The following SLC39A12 variants were observed in gnomAD, a reference collection of about 807,000 sequenced individuals.
The protein encoded by SLC39A12 is solute carrier family 39 member 12, also known as zinc transporter ZIP12.
Under a neutral mutation model 71.1 loss-of-function variants are expected in SLC39A12, and 63 were observed. The ratio of observed to expected loss-of-function variants is 0.89; its 90% confidence interval spans 0.72 to 1.09. The LOEUF (loss-of-function observed/expected upper bound fraction) is 1.09. SLC39A12 is among the 50% of genes least tolerant of loss of function. SLC39A12 has a pLI of 0.00. For synonymous variants in SLC39A12, 351 were observed against 301.3 expected (o/e 1.16, Z -1.71); for missense variants, 892 against 812.6 (o/e 1.10, Z -1.19).
intron 11 of SLC39A12, chr10:18,002,624 T>C (rs1835869355): frequency 6.6e-6 from 1 of 152,212 alleles, no homozygotes; most frequent in African/African-American, 2.4e-5. Context: ...GTCAATCTTC[T>C]CTTGGAGGGA....
intron 12 of SLC39A12, among the ~76,000 whole-genome samples, chr10:18,036,076 C>G (rs935035249): frequency 1.4e-4 from 21 of 152,350 alleles, no homozygotes; most frequent in East Asian, 1.9e-4. Context: ...ACATTTAAGT[C>G]TGCAGAGGTT....
chr10:17,966,431 C>G (rs1834826053), intron 4 of SLC39A12, among the ~76,000 whole-genome samples: 1 of 152,032 alleles, frequency 6.6e-6, no homozygotes, highest in South Asian at 2.1e-4. Flanking sequence ...CCACTCCAGC[C>G]TCCTGAGTAG....
chr10:17,987,421 T>C (rs868182979), intron 6 of SLC39A12, 58 bp from the exon 7 acceptor site: 15 of 1,557,148 alleles, frequency 9.6e-6, no homozygotes, highest in East Asian at 6.8e-5. Context: ...TTTCGCCAGC[T>C]GAGGCCGGAA....
In SLC39A12 at chr10:18,036,520, G is replaced by A. The variant is rs551935803; in HGVS notation, c.1948-6185G>A. On this transcript the variant is annotated intron_variant, in intron 12 of 12. Transcript: ENST00000377369. ...CCCTGCTTCGGCTCACGCACGGTGC[G>A]CGCACCCACTGGCCTGCGCCCACTG... Among the ~76,000 whole-genome samples, 396 of 151,726 alleles carry A rather than the reference G, an allele frequency of 2.6e-3. 2 individuals carry two copies. The highest frequency in any genetic ancestry group is 6.8e-3 in the Middle Eastern group (2 of 294).
Position 17,953,265 on chromosome 10 carries a change from G to A in SLC39A12, c.-12G>A. ...CCATCCAAGACAGACTCAAGGTGGA[G>A]GAAGCGTGGAAATGTGCTTCCGGAC... On this transcript the variant is annotated 5_prime_UTR_variant, in exon 2 of 13. Coordinates refer to ENST00000377369, the MANE Select transcript of SLC39A12 (RefSeq NM_001145195.2). The A allele has an allele frequency of 6.2e-7, 1 of 1,612,672 alleles. No homozygotes were observed. Among genetic ancestry groups the A allele is most frequent in the Non-Finnish European group, 8.5e-7 (1 of 1,179,106 alleles).
chr10:18,036,002 G>C (rs527317767), intron 12 of SLC39A12, among the ~76,000 whole-genome samples: 2,414 of 152,190 alleles, frequency 0.016, 64 homozygotes, highest in African/African-American at 0.053. Context: ...GCAGTCTGCC[G>C]GTTCTCAGAT....
At chr10:18,001,695 G>T (rs1021465315) in intron 11 of SLC39A12, 2 of 151,912 alleles carry the variant, frequency 1.3e-5, no homozygotes, top group Admixed American at 6.6e-5. Context: ...AATTTTTGTG[G>T]GTACATAGTG....
chr10:17,972,591 C>A lies in SLC39A12; in HGVS notation c.752-5311C>A, dbSNP rs144404041. On this transcript the variant is annotated intron_variant, in intron 4 of 12. Coordinates refer to ENST00000377369, the MANE Select transcript of SLC39A12 (RefSeq NM_001145195.2). The stretch of plus-strand genomic sequence containing the variant: ...GACACTTTTATCATTATATAGTGAC[C>A]TTTGTCCCTTCTTACAGTCTTTGTC... Among the ~76,000 whole-genome samples, 8 of 152,116 alleles carry A rather than the reference C, an allele frequency of 5.3e-5. No homozygotes were observed. In the East Asian group the frequency reaches 1.5e-3, roughly 29 times the overall value.
rs1835812548 is a variant in SLC39A12, at chr10:18,000,787, CG to C, written c.1722del (p.Ile575LeufsTer19). ...SSSSESGVTT[T>X]IAILCHEIPH... ...TCATCCGAGTCAGGAGTGACCACTA[CG>C]ATTGCTATCTTGTGTCATGAAATCC... On this transcript the variant is annotated frameshift_variant, in exon 11 of 13. Coordinates refer to ENST00000377369, the MANE Select transcript of SLC39A12 (RefSeq NM_001145195.2). LOFTEE classifies it high-confidence loss of function. 6.2e-7 allele frequency: 1 copy of C among 1,613,950 alleles called. No homozygotes were observed. The highest frequency in any genetic ancestry group is 1.3e-5 in the African/African-American group (1 of 74,910).
intron 12 of SLC39A12, chr10:18,005,850 A>AG (rs1836000250): frequency 7.6e-6 from 1 of 130,772 alleles, no homozygotes; most frequent in Non-Finnish European, 1.8e-5. Context: ...GCAGAAAGAC[A>AG]GGAAAAAAAA....
In SLC39A12 at chr10:17,981,489, T is replaced by A. The variant is rs760195895; in HGVS notation, c.1096+6T>A. 1.8e-5 allele frequency: 29 copies of A among 1,602,286 alleles called. No homozygotes were observed. The highest frequency in any genetic ancestry group is 1.4e-4 in the Admixed American group (8 of 57,930). ...GCCACCTACCACTCTGGAGAGTAAG[T>A]TCTGGATCTTCCTTCAGAAAGCTGA... On this transcript the variant is annotated splice_donor_region_variant and intron_variant, in intron 6 of 12. Coordinates refer to ENST00000377369, the MANE Select transcript of SLC39A12 (RefSeq NM_001145195.2).
At chr10:17,954,638 T>C (rs1163864948) in intron 2 of SLC39A12, among the ~76,000 whole-genome samples, 2 of 152,108 alleles carry the variant, frequency 1.3e-5, no homozygotes, top group East Asian at 3.9e-4. Flanking sequence ...AGGTGAGAAC[T>C]CATGTGTTTA....
At chr10:17,960,576 G>C (rs933174427) in intron 2 of SLC39A12, among the ~76,000 whole-genome samples, 4 of 152,196 alleles carry the variant, frequency 2.6e-5, no homozygotes, top group African/African-American at 7.2e-5. Context: ...TACGCAAAAA[G>C]CAGACGAAAT....
At chr10:17,971,399 G>C (rs1834971594) in intron 4 of SLC39A12, among the ~76,000 whole-genome samples, 1 of 151,222 alleles carries the variant, frequency 6.6e-6, no homozygotes, top group African/African-American at 2.4e-5. Flanking sequence ...GGAATAGTTT[G>C]AATAGAATTG....
At chr10:17,988,239 C>T (rs149135095) in intron 7 of SLC39A12, among the ~76,000 whole-genome samples, 1 of 152,184 alleles carries the variant, frequency 6.6e-6, no homozygotes, top group African/African-American at 2.4e-5. Flanking sequence ...ACTCGAGAGG[C>T]GAAGGTTGCA....
At chr10:18,036,078 G>T (rs1053848725) in intron 12 of SLC39A12, among the ~76,000 whole-genome samples, 4 of 152,240 alleles carry the variant, frequency 2.6e-5, no homozygotes, top group African/African-American at 9.6e-5. Context: ...ATTTAAGTCT[G>T]CAGAGGTTAC....
chr10:17,965,765 C>A lies in SLC39A12; in HGVS notation c.751+75C>A, dbSNP rs954056547. Reference sequence around the variant, plus strand: ...ACTATGCCAAAAACAAAGGCCAAAGCTCTTGATGACTGAATTCGTTCAGGT... The same window carrying A: ...ACTATGCCAAAAACAAAGGCCAAAGATCTTGATGACTGAATTCGTTCAGGT... On this transcript the variant is annotated intron_variant, in intron 4 of 12. Coordinates refer to ENST00000377369, the MANE Select transcript of SLC39A12 (RefSeq NM_001145195.2). 5 of 1,167,560 alleles carry A rather than the reference C, an allele frequency of 4.3e-6. No individual in the cohort carries two copies. In the African/African-American group the frequency reaches 6.1e-5, roughly 14 times the overall value. The allele number at this position is 1,167,560 out of a possible 1,614,324, so 72.3% of individuals were successfully genotyped here.
At chr10:18,002,966 T>A in intron 11 of SLC39A12, 1 of 508,736 alleles carries the variant, frequency 2.0e-6, no homozygotes, top group South Asian at 3.1e-5. Flanking sequence ...GGAATGGAAC[T>A]CTTGAAATGC....
chr10:17,960,184 T>A (rs1167059006), intron 2 of SLC39A12, among the ~76,000 whole-genome samples: 2 of 152,204 alleles, frequency 1.3e-5, no homozygotes, highest in South Asian at 2.1e-4. Flanking sequence ...TTTAACATTA[T>A]ACCAATGGAG....
Sources: allele counts gnomAD v4.1 joint callset (sites outside exome capture counted in the v4.1 genomes callset), GRCh38; gene constraint gnomAD v4.1.1; transcripts MANE v1.5; gene names NCBI Gene and HGNC (gene_info 2026-07-23, HGNC 2026-07-21).